The following TEX9 variants were observed in gnomAD, a reference collection of about 807,000 sequenced individuals.
The protein encoded by TEX9 is testis-expressed protein 9.
In TEX9, 74 loss-of-function variants were observed where a neutral mutation model predicts 59.6. The ratio of observed to expected loss-of-function variants is 1.24; its 90% CI spans 1.03 to 1.51. TEX9 has a LOEUF of 1.51. Among genes scored for constraint, TEX9 ranks in the 40% most tolerant of loss-of-function variants. The probability of loss-of-function intolerance (pLI) is 0.00; values close to 1 mark genes in which losing one functional copy is unlikely to be tolerated. For missense variants in TEX9, 522 were observed against 447.8 expected, an observed-to-expected ratio of 1.17 and a Z score of -1.49; for synonymous variants, 186 against 152.2, an observed-to-expected ratio of 1.22 and a Z score of -1.64.
At chr15:56,426,651 A>T in intron 10 of TEX9, among the ~76,000 whole-genome samples, 1 of 125,970 alleles carries the variant, frequency 7.9e-6, no homozygotes, top group African/African-American at 2.7e-5. Flanking sequence ...ACACACACAC[A>T]CACGTATGTA....
At chr15:56,245,066 T>C (rs1300797359) in intron 1 of TEX9, among the ~76,000 whole-genome samples, 1 of 152,198 alleles carries the variant, frequency 6.6e-6, no homozygotes, top group Admixed American at 6.5e-5. Context: ...ATCAGGTTTC[T>C]ACCTGTTAGA....
intron 1 of TEX9, among the ~76,000 whole-genome samples, chr15:56,281,401 G>C (rs146802788): frequency 1.6e-3 from 245 of 152,358 alleles, no homozygotes; most frequent in African/African-American, 5.7e-3. Flanking sequence ...TCTGCCTCCT[G>C]TCTGATCAGC....
upstream of TEX9, chr15:56,365,405 G>C (rs1872425818): frequency 3.1e-6 from 5 of 1,595,568 alleles, no homozygotes; most frequent in South Asian, 1.1e-5. Flanking sequence ...AAACTCTCGC[G>C]GGAAGATGCG....
chr15:56,276,160 T>A (rs1296478970), intron 1 of TEX9, among the ~76,000 whole-genome samples: 1 of 152,162 alleles, frequency 6.6e-6, no homozygotes, highest in African/African-American at 2.4e-5. Context: ...TTTTTTAATT[T>A]TAGTTTTTTA....
intron 1 of TEX9, among the ~76,000 whole-genome samples, chr15:56,279,290 C>T (rs773731671): frequency 1.4e-4 from 22 of 152,088 alleles, no homozygotes; most frequent in Admixed American, 2.0e-4. Context: ...ATATAGGAGG[C>T]TTTGGCCATA....
intron 4 of TEX9, among the ~76,000 whole-genome samples, chr15:56,385,215 T>C (rs2047907116): frequency 6.6e-6 from 1 of 152,180 alleles, no homozygotes; most frequent in African/African-American, 2.4e-5. Context: ...TCTATATGGT[T>C]GTCATTATGC....
intron 1 of TEX9, among the ~76,000 whole-genome samples, chr15:56,305,573 G>A (rs2045462951): frequency 6.6e-6 from 1 of 152,144 alleles, no homozygotes; most frequent in Non-Finnish European, 1.5e-5. Flanking sequence ...GTATCTATAT[G>A]CAGAAGAAAG....
At chr15:56,342,129 C>A (rs1162081879) in intron 1 of TEX9, among the ~76,000 whole-genome samples, 1 of 152,120 alleles carries the variant, frequency 6.6e-6, no homozygotes, top group East Asian at 1.9e-4. Context: ...AAATATCACT[C>A]CTTCCTCTTC....
chr15:56,333,873 A>G (rs1450685676), intron 1 of TEX9, among the ~76,000 whole-genome samples: 2 of 152,186 alleles, frequency 1.3e-5, no homozygotes, highest in East Asian at 3.8e-4. Context: ...ATATTCCATC[A>G]GCAAACAATC....
the TEX9 span, among the ~76,000 whole-genome samples, chr15:56,458,600 C>A: frequency 6.6e-6 from 1 of 152,108 alleles, no homozygotes; most frequent in Non-Finnish European, 1.5e-5. Context: ...CCTCTGTGAT[C>A]TGTCTATTCA....
intron 1 of TEX9, among the ~76,000 whole-genome samples, chr15:56,327,955 C>G (rs2046059747): frequency 6.6e-6 from 1 of 152,066 alleles, no homozygotes; most frequent in African/African-American, 2.4e-5. Context: ...CTGAACTGGG[C>G]TTGAGGCCAA....
At chr15:56,323,551 G>A (rs1230658637) in intron 1 of TEX9, 3 of 192,132 alleles carry the variant, frequency 1.6e-5, no homozygotes, top group South Asian at 1.1e-4. Context: ...AAAGAAAAAT[G>A]TGAAAAGGAT....
intron 1 of TEX9, among the ~76,000 whole-genome samples, chr15:56,317,114 C>A (rs1306011543): frequency 6.6e-6 from 1 of 152,216 alleles, no homozygotes; most frequent in Non-Finnish European, 1.5e-5. Flanking sequence ...CCGTCTTCTG[C>A]GTCGCTCACG....
At chr15:56,267,651 T>C (rs2044419156) in intron 1 of TEX9, among the ~76,000 whole-genome samples, 1 of 152,226 alleles carries the variant, frequency 6.6e-6, no homozygotes, top group South Asian at 2.1e-4. Flanking sequence ...TGTGTGGTGT[T>C]ATTTCTGAGG....
chr15:56,339,323 C>T (rs1036165851), intron 1 of TEX9, among the ~76,000 whole-genome samples: 6 of 135,300 alleles, frequency 4.4e-5, no homozygotes, highest in Non-Finnish European at 7.6e-5. Flanking sequence ...GTGGAGGTTG[C>T]AGTAAGCCCT....
intron 1 of TEX9, among the ~76,000 whole-genome samples, chr15:56,316,611 G>A (rs1175086596): frequency 6.6e-6 from 1 of 152,096 alleles, no homozygotes; most frequent in Non-Finnish European, 1.5e-5. Context: ...TTGTTTGTCT[G>A]CGCCCTGCCC....
intron 1 of TEX9, among the ~76,000 whole-genome samples, chr15:56,293,501 A>G (rs1399155317): frequency 1.3e-5 from 2 of 152,238 alleles, no homozygotes; most frequent in Non-Finnish European, 2.9e-5. Flanking sequence ...CCAGGAAGTG[A>G]TCTGTAGGCC....
At chr15:56,394,746 A>T (rs755098438) in exon 9 of TEX9, 4 of 1,612,428 alleles carry the variant, frequency 2.5e-6, no homozygotes, top group Non-Finnish European at 3.4e-6. Flanking sequence ...AATATGCAAC[A>T]GTCTCAAGTA....
rs146071737 is a variant in TEX9, at chr15:56,432,099, T to C, written c.*29+3626T>C. Reference sequence around the variant, plus strand: ...CATTCAAACCTAATTCTATCTTAATTCATCCATTCCTTATAAAGAGGAGAT... The same window carrying C: ...CATTCAAACCTAATTCTATCTTAATCCATCCATTCCTTATAAAGAGGAGAT... On this transcript the variant is annotated intron_variant, in intron 12 of 12. Transcript: ENST00000352903. Among the ~76,000 whole-genome samples the C allele has an allele frequency of 7.2e-5, 11 of 152,284 alleles. No individual in the cohort carries two copies. In the East Asian group the frequency reaches 1.2e-3, roughly 16 times the overall value.
Sources: gnomAD v4.1 joint callset for allele counts (sites outside exome capture counted in the v4.1 genomes callset) on GRCh38, gnomAD v4.1.1 for gene constraint, MANE v1.5 for transcripts, NCBI Gene and HGNC (gene_info 2026-07-23, HGNC 2026-07-21) for gene names.